Variants in STAU2 observed in about 807,000 individuals in gnomAD.
STAU2 encodes staufen double-stranded RNA binding protein 2, also known as double-stranded RNA-binding protein Staufen homolog 2.
Under a neutral mutation model 65.9 loss-of-function variants are expected in STAU2, and 20 were observed. That is an observed-to-expected ratio of 0.30 (90% confidence interval 0.21 to 0.44). The LOEUF is 0.44. Among genes scored for constraint, STAU2 ranks in the 20% least tolerant of loss-of-function variants. The probability of loss-of-function intolerance (pLI) is 1.00; values close to 1 mark genes in which losing one functional copy is unlikely to be tolerated. For synonymous variants in STAU2, 232 were observed against 233.9 expected (o/e 0.99, Z 0.07); for missense variants, 558 against 683.9 (o/e 0.82, Z 2.05).
At chr8:73,728,791 A>G (rs1418935300) in intron 3 of STAU2, among the ~76,000 whole-genome samples, 1 of 152,202 alleles carries the variant, frequency 6.6e-6, no homozygotes, top group East Asian at 1.9e-4. Flanking sequence ...ACTTTGCTCA[A>G]GTTATTTATT....
chr8:73,447,233 C>T (rs1325059998), intron 13 of STAU2, among the ~76,000 whole-genome samples: 9 of 152,202 alleles, frequency 5.9e-5, no homozygotes, highest in Admixed American at 2.0e-4. Context: ...CATGAGCCAC[C>T]GCAACCAGCC....
chr8:73,532,260 T>C (rs79978635), intron 13 of STAU2, among the ~76,000 whole-genome samples: 1,875 of 152,238 alleles, frequency 0.012, 45 homozygotes, highest in African/African-American at 0.042. Flanking sequence ...TTAAAATATT[T>C]TACCCCAATA....
At chr8:73,633,105 C>T (rs1452806398) in intron 6 of STAU2, among the ~76,000 whole-genome samples, 1 of 152,216 alleles carries the variant, frequency 6.6e-6, no homozygotes, top group African/African-American at 2.4e-5. Flanking sequence ...GAGTCCACTA[C>T]ATATCTGTTA....
intron 3 of STAU2, among the ~76,000 whole-genome samples, chr8:73,719,248 CA>C (rs1421389038): frequency 1.3e-5 from 2 of 152,012 alleles, no homozygotes; most frequent in African/African-American, 4.8e-5. Flanking sequence ...CTAAAAAATA[CA>C]AAAAAATTAG....
At chr8:73,677,682 G>A (rs1225733842) in intron 5 of STAU2, among the ~76,000 whole-genome samples, 1 of 152,126 alleles carries the variant, frequency 6.6e-6, no homozygotes, top group African/African-American at 2.4e-5. Context: ...GGGCATGAGG[G>A]AAGCTTCCAT....
intron 6 of STAU2, among the ~76,000 whole-genome samples, chr8:73,637,207 A>C (rs1448544713): frequency 1.3e-5 from 2 of 151,758 alleles, no homozygotes; most frequent in Non-Finnish European, 2.9e-5. Flanking sequence ...GAGAGGAGGA[A>C]AAGGGGGGAA....
At chr8:73,454,992 G>C (rs1489788611) in intron 13 of STAU2, among the ~76,000 whole-genome samples, 1 of 152,160 alleles carries the variant, frequency 6.6e-6, no homozygotes, top group East Asian at 1.9e-4. Flanking sequence ...TGGAGTCCAA[G>C]CCAGCTCATG....
intron 13 of STAU2, among the ~76,000 whole-genome samples, chr8:73,493,033 C>T (rs1448287891): frequency 4.0e-5 from 6 of 151,624 alleles, no homozygotes; most frequent in African/African-American, 9.7e-5. Flanking sequence ...ATTTGATTTT[C>T]AAAAAAATGC....
chr8:73,518,052 A>T (rs532514921), intron 13 of STAU2, among the ~76,000 whole-genome samples: 1 of 152,248 alleles, frequency 6.6e-6, no homozygotes, highest in African/African-American at 2.4e-5. Context: ...TTAAAAAAAA[A>T]GTTCTGCTCA....
chr8:73,654,906 C>T (rs935999078), intron 6 of STAU2, among the ~76,000 whole-genome samples: 1 of 151,904 alleles, frequency 6.6e-6, no homozygotes, highest in East Asian at 1.9e-4. Context: ...AGGATGGTCT[C>T]GATCTCCTGA....
chr8:73,459,853 C>T (rs1272166857), intron 13 of STAU2, among the ~76,000 whole-genome samples: 1 of 152,166 alleles, frequency 6.6e-6, no homozygotes, highest in Admixed American at 6.5e-5. Context: ...ATCATCTGCT[C>T]AATGCAGCCA....
At chr8:73,430,374 A>G (rs566884111) in intron 13 of STAU2, among the ~76,000 whole-genome samples, 70 of 152,330 alleles carry the variant, frequency 4.6e-4, no homozygotes, top group Admixed American at 3.5e-3. Flanking sequence ...CCCCTCTCAC[A>G]GGTACGGACA....
intron 13 of STAU2, among the ~76,000 whole-genome samples, chr8:73,464,836 A>G (rs1361310322): frequency 6.6e-6 from 1 of 152,254 alleles, no homozygotes. Flanking sequence ...CAACCTGCAA[A>G]TAAAAACGAT....
intron 4 of STAU2, among the ~76,000 whole-genome samples, chr8:73,706,797 G>C (rs1466329111): frequency 6.6e-6 from 1 of 152,172 alleles, no homozygotes; most frequent in Non-Finnish European, 1.5e-5. Context: ...TGAGAAATAA[G>C]AAGAGACCCA....
intron 10 of STAU2, among the ~76,000 whole-genome samples, chr8:73,599,804 C>T (rs1811492196): frequency 6.6e-6 from 1 of 151,498 alleles, no homozygotes; most frequent in Non-Finnish European, 1.5e-5. Context: ...CTCGCTCTGT[C>T]ACCCAGGTTC....
intron 3 of STAU2, among the ~76,000 whole-genome samples, chr8:73,724,435 G>C (rs1805479676): frequency 6.6e-6 from 1 of 152,020 alleles, no homozygotes; most frequent in African/African-American, 2.4e-5. Context: ...CTTTACCATA[G>C]TGACAAAGTG....
rs141979107 is a variant in STAU2, at chr8:73,542,623, A to G, written c.1530+9389T>C. Among the ~76,000 whole-genome samples the G allele has an allele frequency of 1.0e-3, 153 of 152,294 alleles. 2 individuals are homozygous for G. The highest frequency in any genetic ancestry group is 1.9e-3 in the Non-Finnish European group (126 of 67,992). ...GGATACAAAGAACTTGTGTAAATCAATAATTATGGGGGAAAATCCCAATTA... is the reference window on the plus strand; with the variant it reads ...GGATACAAAGAACTTGTGTAAATCAGTAATTATGGGGGAAAATCCCAATTA... On this transcript the variant is annotated intron_variant, in intron 13 of 14. Transcript: ENST00000524300.
intron 3 of STAU2, among the ~76,000 whole-genome samples, chr8:73,734,654 C>A (rs1459143088): frequency 6.6e-6 from 1 of 151,904 alleles, no homozygotes; most frequent in Non-Finnish European, 1.5e-5. Context: ...ATTAGCCGGG[C>A]GTGGTGGCAT....
At chr8:73,644,016 A>G (rs905952765) in intron 6 of STAU2, among the ~76,000 whole-genome samples, 1 of 152,256 alleles carries the variant, frequency 6.6e-6, no homozygotes, top group Non-Finnish European at 1.5e-5. Flanking sequence ...ATGAAAAATT[A>G]GAAATAGATT....
Sources: gnomAD v4.1 joint callset for allele counts (sites outside exome capture counted in the v4.1 genomes callset) on GRCh38, gnomAD v4.1.1 for gene constraint, MANE v1.5 for transcripts, NCBI Gene and HGNC (gene_info 2026-07-23, HGNC 2026-07-21) for gene names.